Variants in SAFB2 observed in about 807,000 individuals in gnomAD.
The protein encoded by SAFB2 is scaffold attachment factor B2.
A neutral mutation model predicts 100.6 loss-of-function variants in SAFB2; 32 were observed. The observed-to-expected ratio is 0.32, with a 90% CI of 0.24 to 0.43. The LOEUF (loss-of-function observed/expected upper bound fraction) is 0.43, where lower values mean the gene tolerates loss of function less well. Among genes scored for constraint, SAFB2 ranks in the 20% least tolerant of loss-of-function variants. The pLI is 1.00. For missense variants in SAFB2, 1,185 were observed against 1,163.4 expected (o/e 1.02, Z -0.27); for synonymous variants, 500 against 439.4 (o/e 1.14, Z -1.72).
rs751553537 is a variant in SAFB2, at chr19:5,587,271, G to C, written c.2834C>G (p.Pro945Arg). The C allele has an allele frequency of 6.2e-7, 1 of 1,604,816 alleles. No homozygotes were observed. The highest frequency in any genetic ancestry group is 1.7e-5 in the Admixed American group (1 of 59,432). ...GTAGCGGCGGGTGAAGTGGGGGTAC[G>C]GGGGGGGATGAGGGTGTGGGTGAGG... The part of the protein sequence containing the change: ...RVPHPHPHPP[P>R]YPHFTRRY Residue 945 changes from proline (P) to arginine (R), a missense_variant, in exon 21 of 21, where the codon CCG (proline) becomes CGG (arginine). By Grantham distance (103) the Pro-to-Arg change is moderately radical. This residue lies in a region of SAFB2 where 740 missense variants were observed against 687.1 expected (regional missense o/e 1.08). Transcript: ENST00000252542. The surrounding 1 kb of genome is among the most constrained non-coding windows in gnomAD (Gnocchi z 4.9).
chr19:5,601,518 G>A (rs1014265515), intron 11 of SAFB2, among the ~76,000 whole-genome samples: 1 of 152,004 alleles, frequency 6.6e-6, no homozygotes, highest in African/African-American at 2.4e-5. Flanking sequence ...AGACCACCCT[G>A]GCCAACATTG....
In SAFB2 at chr19:5,587,354, C is replaced by T. The variant is rs948629122; in HGVS notation, c.2751G>A (p.Val917=). 1 of 1,613,174 alleles carries T rather than the reference C, an allele frequency of 6.2e-7. No individual in the cohort carries two copies. The highest frequency in any genetic ancestry group is 8.5e-7 in the Non-Finnish European group (1 of 1,179,688). Residue 917 remains valine, a synonymous_variant, in exon 21 of 21, where the codon GTG becomes GTA. Transcript: ENST00000252542. The surrounding 1 kb of genome is among the most constrained non-coding windows in gnomAD (Gnocchi z 4.9). ...AQGGHSQGHV[V]PGGGLEGGGV... is the part of the protein sequence containing the mutation. ...CGCCACCTTCCAGTCCGCCACCTGG[C>T]ACCACGTGGCCCTGGGAATGTCCAC...
rs374350636 is a variant in SAFB2, at chr19:5,610,694, G to T, written c.1146-6C>A. ...CTTTTTCTTCCTTAAAAGAGCTAGA[G>T]ACAAAAGTTAATGTTACTCATACAG... On this transcript the variant is annotated splice_region_variant and splice_polypyrimidine_tract_variant and intron_variant, in intron 7 of 20. Transcript: ENST00000252542. 1.2e-5 allele frequency: 19 copies of T among 1,536,214 alleles called. No individual in the cohort carries two copies. Among genetic ancestry groups the T allele is most frequent in the Non-Finnish European group, 1.5e-5 (17 of 1,118,436 alleles).
At chr19:5,590,061 G>T (rs1029927025) in intron 18 of SAFB2, among the ~76,000 whole-genome samples, 1 of 152,162 alleles carries the variant, frequency 6.6e-6, no homozygotes, top group African/African-American at 2.4e-5. Context: ...GGCCATTCTG[G>T]GCGACCTGGA....
At chr19:5,599,990 T>C in intron 12 of SAFB2, 140 bp downstream of exon 12, 1 of 858,536 alleles carries the variant, frequency 1.2e-6, no homozygotes, top group Non-Finnish European at 1.8e-6. Flanking sequence ...ATCAACAGAC[T>C]CTTGTTTCTT....
chr19:5,619,315 T>G (rs2240239), intron 2 of SAFB2, among the ~76,000 whole-genome samples: 62,483 of 151,968 alleles, frequency 0.41, 13,385 homozygotes, highest in East Asian at 0.75. Flanking sequence ...TGGTTACTTC[T>G]CTGAAAAAGG....
chr19:5,597,813 T>C (rs183807866), intron 13 of SAFB2, among the ~76,000 whole-genome samples: 1 of 152,368 alleles, frequency 6.6e-6, no homozygotes, highest in African/African-American at 2.4e-5. Flanking sequence ...TGATACTTTA[T>C]AAAATCCAAA....
chr19:5,618,048 G>A (rs1420515178), intron 2 of SAFB2, among the ~76,000 whole-genome samples: 4 of 152,122 alleles, frequency 2.6e-5, no homozygotes, highest in African/African-American at 4.8e-5. Flanking sequence ...TGAGAATGAG[G>A]TGGGAGGATG....
intron 4 of SAFB2, 48 bp downstream of exon 4, chr19:5,616,084 G>T: frequency 6.3e-7 from 1 of 1,580,926 alleles, no homozygotes; most frequent in Non-Finnish European, 8.7e-7. Flanking sequence ...CGAGCACCAG[G>T]TGCCTCGGGG....
chr19:5,602,937 T>C (rs559000822), intron 11 of SAFB2, among the ~76,000 whole-genome samples: 1 of 127,936 alleles, frequency 7.8e-6, no homozygotes, highest in Non-Finnish European at 1.6e-5. Flanking sequence ...TCCAAGTTCA[T>C]GAAGGCTCAT....
At chr19:5,602,505 A>AC (rs2052683559) in intron 11 of SAFB2, among the ~76,000 whole-genome samples, 1 of 150,730 alleles carries the variant, frequency 6.6e-6, no homozygotes, top group African/African-American at 2.4e-5. Context: ...AAAAAAAAAA[A>AC]ATCTTAAGTC....
intron 9 of SAFB2, among the ~76,000 whole-genome samples, chr19:5,607,439 G>C (rs534840164): frequency 6.6e-6 from 1 of 152,176 alleles, no homozygotes; most frequent in East Asian, 1.9e-4. Context: ...TATTCCCACA[G>C]AGTTCTTGCA....
rs373420344 is a variant in SAFB2 at position 5,590,343 on chromosome 19, A to G, written c.2460T>C (p.Asp820=). ...PPERHGRDSR[D]GWGGYGSDKR... is the part of the protein sequence containing the mutation. ...TGTCGGAGCCGTAGCCCCCCCAGCC[A>G]TCACGGGAGTCCCGGCCGTGGCGCT... is the stretch of plus-strand genomic sequence containing the variant. Residue 820 remains aspartate, a synonymous_variant, in exon 18 of 21, where the codon GAT becomes GAC. Transcript: ENST00000252542. 6.6e-5 allele frequency: 106 copies of G among 1,611,004 alleles called. No individual in the cohort carries two copies. In the Admixed American group the frequency reaches 1.1e-3, roughly 16 times the overall value.
Position 5,590,493 on chromosome 19 carries a change from C to T in SAFB2, c.2395-85G>A, listed in dbSNP as rs1238031676. 1.3e-5 allele frequency: 19 copies of T among 1,430,694 alleles called. No homozygotes were observed. In the Admixed American group the frequency reaches 4.0e-4, roughly 30 times the overall value. 88.6% of individuals were successfully genotyped at this position (1,430,694 alleles called of 1,614,324 possible). A position where few individuals can be genotyped will look rare whatever the true frequency, so the allele number is the denominator to read the frequency against. On this transcript the variant is annotated intron_variant, in intron 17 of 20. Transcript: ENST00000252542. ...CCGGAAGGCCTGTCCACTGCAGGCC[C>T]CAGGGTGGCAGGTGGGGCGGAGCTG... is the stretch of plus-strand genomic sequence containing the variant.
chr19:5,610,259 A>G, intron 8 of SAFB2, 164 bp from the exon 9 acceptor site: 1 of 622,106 alleles, frequency 1.6e-6, no homozygotes, highest in Non-Finnish European at 2.9e-6. Flanking sequence ...AAGGCTGAAA[A>G]TCTGGACAGC....
intron 11 of SAFB2, 114 bp from the exon 12 acceptor site, chr19:5,600,374 G>A (rs576635065): frequency 8.1e-5 from 114 of 1,405,148 alleles, no homozygotes; most frequent in African/African-American, 6.9e-4. Context: ...AAATCACCCC[G>A]GCAGCAATTA....
intron 18 of SAFB2, among the ~76,000 whole-genome samples, chr19:5,588,384 A>G (rs1166198353): frequency 2.0e-5 from 3 of 152,224 alleles, no homozygotes; most frequent in African/African-American, 7.2e-5. Flanking sequence ...ACCATGACCC[A>G]GCAAACCCAT....
chr19:5,597,448 AG>A (rs1195268261), intron 13 of SAFB2, among the ~76,000 whole-genome samples: 1 of 152,138 alleles, frequency 6.6e-6, no homozygotes, highest in African/African-American at 2.4e-5. Context: ...AAAAGCGAAA[AG>A]AAAAAAAAGC....
chr19:5,587,136 T>G lies in SAFB2; in HGVS notation c.*107A>C. ...CACATTGTATTGAGCTACAACATGGTGGCAGGATTTACTTTGCTTTTAAAA... is the reference window on the plus strand; with the variant it reads ...CACATTGTATTGAGCTACAACATGGGGGCAGGATTTACTTTGCTTTTAAAA... On this transcript the variant is annotated 3_prime_UTR_variant, in exon 21 of 21. Transcript: ENST00000252542. The surrounding 1 kb of genome is among the most constrained non-coding windows in gnomAD (Gnocchi z 4.9). 1.4e-6 allele frequency: 2 copies of G among 1,434,804 alleles called. No homozygotes were observed. The highest frequency in any genetic ancestry group is 2.3e-5 in the East Asian group (1 of 43,348). The allele number at this position is 1,434,804 out of a possible 1,614,324, so 88.9% of individuals were successfully genotyped here.
Sources: gnomAD v4.1 joint callset for allele counts (sites outside exome capture counted in the v4.1 genomes callset) on GRCh38, gnomAD v4.1.1 for gene constraint, gnomAD v4.1.1 regional missense constraint, Gnocchi (gnomAD v3.1) non-coding constraint, MANE v1.5 for transcripts, NCBI Gene and HGNC (gene_info 2026-07-23, HGNC 2026-07-21) for gene names.